The following SLC39A9 variants were observed in gnomAD, a reference collection of about 807,000 sequenced individuals.
SLC39A9 encodes zinc transporter ZIP9.
Under a neutral mutation model 28.4 loss-of-function variants are expected in SLC39A9, and 14 were observed. The ratio of observed to expected loss-of-function variants is 0.49; its 90% CI spans 0.33 to 0.77. The LOEUF is 0.77. Ranked by LOEUF, SLC39A9 falls within the 30% of genes least tolerant of loss-of-function variation. SLC39A9 has a pLI of 0.02. For missense variants in SLC39A9, 283 were observed against 381.1 expected (o/e 0.74, Z 2.14); for synonymous variants, 119 against 149.6 (o/e 0.80, Z 1.49).
chr14:69,461,415 A>AT lies in SLC39A9; in HGVS notation c.*2831dup, dbSNP rs930754923. 3.3e-4 allele frequency: 410 copies of AT among 1,242,438 alleles called. No homozygotes were observed. The highest frequency in any genetic ancestry group is 1.3e-3 in the Middle Eastern group (4 of 3,090). 77.0% of individuals were successfully genotyped at this position (1,242,438 alleles called of 1,614,324 possible). On this transcript the variant is annotated 3_prime_UTR_variant, in exon 7 of 7. Transcript: ENST00000336643. The stretch of plus-strand genomic sequence containing the variant: ...GTTTTCCTGTGCACACTATTGCCAA[A>AT]TTTTTTTTTAGCAAAGATTCTGCAC...
At chr14:69,434,642 C>T (rs984531215) in intron 2 of SLC39A9, among the ~76,000 whole-genome samples, 11 of 152,046 alleles carry the variant, frequency 7.2e-5, no homozygotes, top group African/African-American at 2.7e-4. Flanking sequence ...CCGCTGCACT[C>T]TAGGCTGGGT....
chr14:69,415,487 A>G (rs1222874677), intron 1 of SLC39A9, among the ~76,000 whole-genome samples: 1 of 152,096 alleles, frequency 6.6e-6, no homozygotes, highest in Non-Finnish European at 1.5e-5. Context: ...TTTATTATTG[A>G]GTTGTAGAAG....
At chr14:69,449,492 G>A (rs967013221) in intron 3 of SLC39A9, among the ~76,000 whole-genome samples, 1 of 152,116 alleles carries the variant, frequency 6.6e-6, no homozygotes, top group Non-Finnish European at 1.5e-5. Context: ...GGGCATGGTG[G>A]CATGTGCCTG....
chr14:69,411,711 A>G (rs937687594), intron 1 of SLC39A9, among the ~76,000 whole-genome samples: 1 of 152,176 alleles, frequency 6.6e-6, no homozygotes, highest in African/African-American at 2.4e-5. Flanking sequence ...ATACAGCCAT[A>G]CAAATACATG....
At chr14:69,415,852 C>G (rs1489751576) in intron 1 of SLC39A9, among the ~76,000 whole-genome samples, 27 of 152,072 alleles carry the variant, frequency 1.8e-4, no homozygotes, top group Admixed American at 1.8e-3. Context: ...AGGCTCCCAG[C>G]CCCTCAGTCA....
Position 69,459,628 on chromosome 14 carries a change from T to G in SLC39A9, c.*1035T>G, listed in dbSNP as rs1453737494. On this transcript the variant is annotated 3_prime_UTR_variant, in exon 7 of 7. Transcript: ENST00000336643. Reference sequence around the variant, plus strand: ...TAGGGACCTAAATACTAGGTCAGCTTTGGCGACACTGTGTCTTCTCACATA... The same window carrying G: ...TAGGGACCTAAATACTAGGTCAGCTGTGGCGACACTGTGTCTTCTCACATA... 1.7e-5 allele frequency: 17 copies of G among 984,070 alleles called. No individual in the cohort carries two copies. The highest frequency in any genetic ancestry group is 1.9e-5 in the Non-Finnish European group (16 of 828,926). The allele number at this position is 984,070 out of a possible 1,614,324, so 61.0% of individuals were successfully genotyped here. A position where few individuals can be genotyped will look rare whatever the true frequency, so the allele number is the denominator to read the frequency against.
At chr14:69,438,375 C>CG (rs1884883870) in intron 2 of SLC39A9, among the ~76,000 whole-genome samples, 1 of 152,190 alleles carries the variant, frequency 6.6e-6, no homozygotes, top group Non-Finnish European at 1.5e-5. Context: ...TCAAGAAAGA[C>CG]GTTTGTATAC....
intron 3 of SLC39A9, among the ~76,000 whole-genome samples, chr14:69,442,652 A>G (rs1197233713): frequency 1.3e-5 from 2 of 152,244 alleles, no homozygotes; most frequent in Non-Finnish European, 2.9e-5. Flanking sequence ...GTTGAAATAC[A>G]GTTACTAAAA....
chr14:69,447,689 A>C (rs1276304054), intron 3 of SLC39A9, among the ~76,000 whole-genome samples: 1 of 152,154 alleles, frequency 6.6e-6, no homozygotes, highest in East Asian at 1.9e-4. Flanking sequence ...AGGTGGGTGG[A>C]TGGCTTGAGC....
Position 69,459,568 on chromosome 14 carries a change from T to C in SLC39A9, c.*975T>C. The C allele has an allele frequency of 1.0e-6, 1 of 979,558 alleles. No individual in the cohort carries two copies. Among genetic ancestry groups the C allele is most frequent in the Non-Finnish European group, 1.2e-6 (1 of 824,904 alleles). 60.7% of individuals were successfully genotyped at this position (979,558 alleles called of 1,614,324 possible). Reference sequence around the variant, plus strand: ...GTCCTTTTTTTTTGTTTTTTTTTTTTTTAATTATTTCTCTTAGCAGATCAG... The same window carrying C: ...GTCCTTTTTTTTTGTTTTTTTTTTTCTTAATTATTTCTCTTAGCAGATCAG... On this transcript the variant is annotated 3_prime_UTR_variant, in exon 7 of 7. Transcript: ENST00000336643.
At chr14:69,429,474 G>T (rs904361261) in intron 2 of SLC39A9, 1 of 152,060 alleles carries the variant, frequency 6.6e-6, no homozygotes, top group African/African-American at 2.4e-5. Context: ...CACTATTAAT[G>T]TACTGGTTGT....
intron 1 of SLC39A9, among the ~76,000 whole-genome samples, chr14:69,413,736 A>T (rs188965664): frequency 6.6e-6 from 1 of 152,118 alleles, no homozygotes; most frequent in African/African-American, 2.4e-5. Flanking sequence ...AAATTTTTTT[A>T]TAATGGATTG....
chr14:69,453,823 C>A (rs952164920), intron 4 of SLC39A9, among the ~76,000 whole-genome samples: 2 of 152,242 alleles, frequency 1.3e-5, no homozygotes, highest in African/African-American at 4.8e-5. Context: ...TGATCCATCT[C>A]TTTTGTTTTT....
chr14:69,399,492 C>A, intron 1 of SLC39A9, 27 bp downstream of exon 1: 1 of 1,589,934 alleles, frequency 6.3e-7, no homozygotes, highest in Non-Finnish European at 8.6e-7. Flanking sequence ...TTTCTGTCAG[C>A]TGTCAGGATG....
At chr14:69,398,691 T>C (rs993262797), upstream of SLC39A9, 10 of 237,784 alleles carry the variant, frequency 4.2e-5, no homozygotes, top group African/African-American at 2.1e-4. Flanking sequence ...GTGGATGGAA[T>C]GAAGAGATGC....
chr14:69,456,148 C>T (rs1885848754), intron 6 of SLC39A9, among the ~76,000 whole-genome samples: 2 of 152,152 alleles, frequency 1.3e-5, no homozygotes, highest in South Asian at 4.1e-4. Context: ...ACGTAACCAG[C>T]CATGCTAGCT....
chr14:69,455,895 A>G, intron 6 of SLC39A9, 29 bp downstream of exon 6: 1 of 1,607,406 alleles, frequency 6.2e-7, no homozygotes, highest in Non-Finnish European at 8.5e-7. Context: ...AGCTATCTAA[A>G]CCAGTGTCTT....
At chr14:69,426,941 T>C (rs1265163432) in intron 2 of SLC39A9, among the ~76,000 whole-genome samples, 1 of 152,008 alleles carries the variant, frequency 6.6e-6, no homozygotes, top group Non-Finnish European at 1.5e-5. Flanking sequence ...CACACACACA[T>C]ACATAAAATA....
intron 2 of SLC39A9, among the ~76,000 whole-genome samples, chr14:69,431,216 T>C (rs1884474681): frequency 6.6e-6 from 1 of 152,250 alleles, no homozygotes; most frequent in African/African-American, 2.4e-5. Flanking sequence ...AAATATTTCA[T>C]GTTTTTAGTA....
Sources: allele counts gnomAD v4.1 joint callset (sites outside exome capture counted in the v4.1 genomes callset), GRCh38; gene constraint gnomAD v4.1.1; transcripts MANE v1.5; gene names NCBI Gene and HGNC (gene_info 2026-07-23, HGNC 2026-07-21).